Variants in ENO4 observed in about 807,000 individuals in gnomAD.
ENO4 encodes enolase 4.
A neutral mutation model predicts 63.2 loss-of-function variants in ENO4; 53 were observed. That is an observed-to-expected ratio of 0.84 (90% CI 0.67 to 1.05). The LOEUF (loss-of-function observed/expected upper bound fraction) is 1.05, where lower values mean the gene tolerates loss of function less well. Among genes scored for constraint, ENO4 ranks in the 50% least tolerant of loss-of-function variants. The probability of loss-of-function intolerance (pLI) is 0.00; values close to 1 mark genes in which losing one functional copy is unlikely to be tolerated. For missense variants in ENO4, 719 were observed against 772.0 expected (o/e 0.93, Z 0.81); for synonymous variants, 266 against 283.8 (o/e 0.94, Z 0.63).
At chr10:116,870,322 C>A (rs1846654160) in intron 8 of ENO4, among the ~76,000 whole-genome samples, 1 of 152,192 alleles carries the variant, frequency 6.6e-6, no homozygotes, top group Non-Finnish European at 1.5e-5. Context: ...GTCCTGAAAT[C>A]ATCTTCCACT....
At chr10:116,899,546 T>TGTGTGAGA (rs1311755308) in intron 10 of ENO4, among the ~76,000 whole-genome samples, 1 of 123,804 alleles carries the variant, frequency 8.1e-6, no homozygotes, top group African/African-American at 2.9e-5. Flanking sequence ...TGTGTGTGTG[T>TGTGTGAGA]GAGAGAGTGC....
chr10:116,863,971 G>A (rs1846487541), intron 7 of ENO4, among the ~76,000 whole-genome samples: 1 of 152,180 alleles, frequency 6.6e-6, no homozygotes, highest in Non-Finnish European at 1.5e-5. Context: ...CAATTCCATA[G>A]TCTCTCTGCC....
At position 116,879,346 on chromosome 10, in the gene ENO4, C is replaced by T; in HGVS notation, c.1593C>T (p.Ser531=). ...CAGAAGGAGAATCATCTGATGACAG[C>T]CTTGTCGATTTGGTAAGTGCTGAAT... is the stretch of plus-strand genomic sequence containing the variant. ...GSTEGESSDD[S]LVDLAVGLGV... The change falls in exon 12 of 14, where the codon AGC becomes AGT. Residue 531 remains serine (S), a synonymous_variant. Transcript: ENST00000341276. The T allele has an allele frequency of 1.3e-6, 2 of 1,549,772 alleles. No individual in the cohort carries two copies. The highest frequency in any genetic ancestry group is 1.7e-6 in the Non-Finnish European group (2 of 1,146,344).
chr10:116,874,110 AC>A lies in ENO4; in HGVS notation c.1251del (p.Tyr417Ter). The A allele has an allele frequency of 6.5e-7, 1 of 1,549,912 alleles. No individual in the cohort carries two copies. The highest frequency in any genetic ancestry group is 8.7e-7 in the Non-Finnish European group (1 of 1,146,174). Reference sequence around the variant, plus strand: ...AAGTATGAAGTGATCATGGGCACATACAAAAATGCAGCGGAGATGGTTGACC... The same window carrying A: ...AAGTATGAAGTGATCATGGGCACATAAAAAATGCAGCGGAGATGGTTGACC... ...KGKYEVIMGT[Y>X]KNAAEMVDLY... is the part of the protein sequence containing the mutation. On this transcript the variant is annotated frameshift_variant, in exon 10 of 14. Transcript: ENST00000341276. LOFTEE classifies it high-confidence loss of function.
chr10:116,881,962 C>T lies in ENO4; in HGVS notation c.*293C>T, dbSNP rs1847029128. The T allele has an allele frequency of 3.9e-6, 1 of 258,874 alleles. No individual in the cohort carries two copies. Among genetic ancestry groups the T allele is most frequent in the South Asian group, 1.4e-4 (1 of 6,992 alleles). The allele number at this position is 258,874 out of a possible 1,614,324, so 16.0% of individuals were successfully genotyped here. A position where few individuals can be genotyped will look rare whatever the true frequency, so the allele number is the denominator to read the frequency against. ...TAAAAGAGGCCAATATTTTTGTTGC[C>T]AACTCCACACTCAGTCAAACACCCC... On this transcript the variant is annotated 3_prime_UTR_variant, in exon 14 of 14. Coordinates refer to ENST00000341276, the MANE Select transcript of ENO4 (RefSeq NM_001242699.2).
chr10:116,876,950 A>AAATTAATT (rs59679890), intron 11 of ENO4, among the ~76,000 whole-genome samples: 41 of 151,566 alleles, frequency 2.7e-4, no homozygotes, highest in African/African-American at 9.5e-4. Flanking sequence ...CTCCGTCTCA[A>AAATTAATT]AATTAATTAA....
intron 10 of ENO4, among the ~76,000 whole-genome samples, chr10:116,909,401 G>C (rs567866751): frequency 6.6e-6 from 1 of 152,130 alleles, no homozygotes; most frequent in African/African-American, 2.4e-5. Context: ...TTTAAAAATT[G>C]CTTTTAGTTC....
chr10:116,852,497 C>T (rs752236475), intron 1 of ENO4, among the ~76,000 whole-genome samples: 17 of 152,314 alleles, frequency 1.1e-4, no homozygotes, highest in Middle Eastern at 3.4e-3. Flanking sequence ...GATGGTCCTC[C>T]AAGAAACTAC....
At chr10:116,849,787 G>GCTGCGGCAACGCCTTGCGC (rs1260549391) in intron 1 of ENO4, 56 bp downstream of exon 1, 2 of 1,458,210 alleles carry the variant, frequency 1.4e-6, no homozygotes, top group Admixed American at 2.5e-5. Context: ...CCCGCCCCGC[G>GCTGCGGCAACGCCTTGCGC]CTGCGGCAAC....
intron 10 of ENO4, chr10:116,900,413 T>C (rs1847689960): frequency 1.2e-6 from 1 of 821,212 alleles, no homozygotes; most frequent in Non-Finnish European, 2.0e-6. Context: ...ATTCAACACA[T>C]ATTTTGCAGA....
At chr10:116,860,668 T>TG (rs747694656) in intron 4 of ENO4, 126 bp from the exon 5 acceptor site, 7 of 653,722 alleles carry the variant, frequency 1.1e-5, no homozygotes, top group African/African-American at 1.8e-5. Flanking sequence ...GAAAACTTTT[T>TG]GGGGGTTGAG....
chr10:116,882,820 C>T (rs936426810), downstream of ENO4: 2 of 152,154 alleles, frequency 1.3e-5, no homozygotes, highest in Non-Finnish European at 1.5e-5. Context: ...GTTGGTATCA[C>T]TCTAAGTTGG....
intron 10 of ENO4, among the ~76,000 whole-genome samples, chr10:116,899,506 GGTGTGTGT>G (rs370396879): frequency 3.5e-4 from 43 of 124,578 alleles, no homozygotes; most frequent in Middle Eastern, 4.2e-3. Flanking sequence ...GGCTGGGGCT[GGTGTGTGT>G]GTGTGTGTGT....
intron 8 of ENO4, among the ~76,000 whole-genome samples, chr10:116,869,066 C>T (rs1242229387): frequency 6.6e-6 from 1 of 152,160 alleles, no homozygotes; most frequent in African/African-American, 2.4e-5. Flanking sequence ...TTATTATTAA[C>T]AAAGAGAAAA....
chr10:116,899,504 C>G (rs1370730919), intron 10 of ENO4, among the ~76,000 whole-genome samples: 1 of 112,398 alleles, frequency 8.9e-6, no homozygotes, highest in South Asian at 3.0e-4. Flanking sequence ...GTGGCTGGGG[C>G]TGGTGTGTGT....
At chr10:116,858,152 A>C (rs1033032787) in intron 3 of ENO4, among the ~76,000 whole-genome samples, 8 of 152,104 alleles carry the variant, frequency 5.3e-5, no homozygotes, top group African/African-American at 1.9e-4. Context: ...CTGTAGACCA[A>C]CTACAGAGAT....
Position 116,882,542 on chromosome 10 carries a change from A to G in ENO4, c.*873A>G, listed in dbSNP as rs1847051166. 1 of 152,146 alleles carries G rather than the reference A, an allele frequency of 6.6e-6. No individual in the cohort carries two copies. Among genetic ancestry groups the G allele is most frequent in the African/African-American group, 2.4e-5 (1 of 41,432 alleles). 9.4% of individuals were successfully genotyped at this position (152,146 alleles called of 1,614,324 possible). A position where few individuals can be genotyped will look rare whatever the true frequency, so the allele number is the denominator to read the frequency against. ...AGATATAATAATATCCAACCACTTT[A>G]TATGATTTAGGGTCTCGTTAAAATG... On this transcript the variant is annotated 3_prime_UTR_variant, in exon 14 of 14. Coordinates refer to ENST00000341276, the MANE Select transcript of ENO4 (RefSeq NM_001242699.2).
At chr10:116,901,903 G>A (rs1276054964) in intron 10 of ENO4, 3 of 1,607,458 alleles carry the variant, frequency 1.9e-6, no homozygotes, top group Non-Finnish European at 8.5e-7. Flanking sequence ...ACTGGATACA[G>A]AACCCAACAC....
At chr10:116,880,974 A>G (rs541116085) in intron 13 of ENO4, among the ~76,000 whole-genome samples, 1 of 152,296 alleles carries the variant, frequency 6.6e-6, no homozygotes, top group East Asian at 1.9e-4. Flanking sequence ...CAATAGATTA[A>G]CAGATCGAGG....
Sources: allele counts gnomAD v4.1 joint callset (sites outside exome capture counted in the v4.1 genomes callset), GRCh38; gene constraint gnomAD v4.1.1; transcripts MANE v1.5; gene names NCBI Gene and HGNC (gene_info 2026-07-23, HGNC 2026-07-21).